Variants in MYO5B observed in about 807,000 individuals in gnomAD.
The protein encoded by MYO5B is unconventional myosin-Vb.
A neutral mutation model predicts 229.3 loss-of-function variants in MYO5B; 143 were observed. That is an observed-to-expected ratio of 0.62 (90% CI 0.54 to 0.72). The LOEUF (loss-of-function observed/expected upper bound fraction) is 0.72. Ranked by LOEUF, MYO5B falls within the 30% of genes least tolerant of loss-of-function variation. MYO5B has a pLI of 0.00. For synonymous variants in MYO5B, 918 were observed against 885.2 expected (o/e 1.04, Z -0.66); for missense variants, 2,321 against 2,331.0 (o/e 1.00, Z 0.09).
intron 32 of MYO5B, among the ~76,000 whole-genome samples, chr18:49,848,231 G>A (rs936176109): frequency 4.6e-5 from 7 of 152,322 alleles, no homozygotes; most frequent in Non-Finnish European, 7.3e-5. Flanking sequence ...AGCCAGGAGT[G>A]TGTGATGTGG....
intron 31 of MYO5B, among the ~76,000 whole-genome samples, chr18:49,853,006 G>T (rs1210802270): frequency 1.3e-5 from 2 of 152,136 alleles, no homozygotes; most frequent in African/African-American, 4.8e-5. Context: ...CTGCAAAGAG[G>T]CCCCAACAAC....
chr18:50,018,376 CT>C (rs2026239404), intron 4 of MYO5B, among the ~76,000 whole-genome samples: 1 of 151,850 alleles, frequency 6.6e-6, no homozygotes. Context: ...GTCTCCACCT[CT>C]TTTTAAAGAC....
At chr18:49,920,766 T>C (rs1375384794) in intron 17 of MYO5B, among the ~76,000 whole-genome samples, 1 of 152,182 alleles carries the variant, frequency 6.6e-6, no homozygotes, top group Non-Finnish European at 1.5e-5. Flanking sequence ...CTGGGGAAAC[T>C]TGTCAAAATG....
At position 49,911,974 on chromosome 18, in the gene MYO5B, C is replaced by T. The variant is rs1363838453; in HGVS notation, c.2202+88G>A. 3.4e-6 allele frequency: 3 copies of T among 872,146 alleles called. No homozygotes were observed. The African/African-American group carries it at 5.1e-5, about 15-fold the overall frequency. The allele number at this position is 872,146 out of a possible 1,614,324, so 54.0% of individuals were successfully genotyped here. A position where few individuals can be genotyped will look rare whatever the true frequency, so the allele number is the denominator to read the frequency against. On this transcript the variant is annotated intron_variant, in intron 18 of 39. Transcript: ENST00000285039. ...TAGATTCAGTAAGAAGGATGAAGACCAAAAAAAAAATGTAGATAACGACGC... is the reference window on the plus strand; with the variant it reads ...TAGATTCAGTAAGAAGGATGAAGACTAAAAAAAAAATGTAGATAACGACGC...
At chr18:50,151,127 T>G (rs760703720) in intron 1 of MYO5B, among the ~76,000 whole-genome samples, 5 of 152,268 alleles carry the variant, frequency 3.3e-5, no homozygotes, top group Non-Finnish European at 7.3e-5. Context: ...ATGAGAGACA[T>G]TGGCTTCCTT....
intron 1 of MYO5B, among the ~76,000 whole-genome samples, chr18:50,174,889 C>T (rs991754908): frequency 3.3e-5 from 5 of 152,208 alleles, no homozygotes; most frequent in Admixed American, 6.5e-5. Flanking sequence ...ACATCAGGCC[C>T]TGTTCCTGGA....
intron 33 of MYO5B, among the ~76,000 whole-genome samples, chr18:49,844,949 G>C (rs972415518): frequency 6.6e-6 from 1 of 152,168 alleles, no homozygotes; most frequent in Non-Finnish European, 1.5e-5. Flanking sequence ...GTAGGTGGTC[G>C]GCAGTCAAGT....
intron 1 of MYO5B, among the ~76,000 whole-genome samples, chr18:50,136,987 G>C (rs985422860): frequency 6.6e-6 from 1 of 152,192 alleles, no homozygotes; most frequent in East Asian, 1.9e-4. Flanking sequence ...ATCTGCCCGA[G>C]TAGATTAAAC....
chr18:49,891,887 TG>T (rs1393212930), intron 22 of MYO5B, among the ~76,000 whole-genome samples: 1 of 152,222 alleles, frequency 6.6e-6, no homozygotes, highest in Non-Finnish European at 1.5e-5. Flanking sequence ...CTAGTCCGAA[TG>T]TTCAGTGCCT....
chr18:49,950,153 G>A (rs1235976192), intron 14 of MYO5B, among the ~76,000 whole-genome samples: 1 of 152,190 alleles, frequency 6.6e-6, no homozygotes, highest in African/African-American at 2.4e-5. Context: ...CTAGGGTCTG[G>A]TTAGCCAGAG....
chr18:50,012,537 T>A (rs182895902), intron 4 of MYO5B, among the ~76,000 whole-genome samples: 1 of 152,338 alleles, frequency 6.6e-6, no homozygotes, highest in African/African-American at 2.4e-5. Flanking sequence ...GAAATAATGA[T>A]GTAGACTGGT....
At position 49,971,214 on chromosome 18, in the gene MYO5B, CTA is replaced by C. The variant is rs1568053228; in HGVS notation, c.1322+3134_1322+3135del. Among the ~76,000 whole-genome samples the C allele has an allele frequency of 2.6e-5, 4 of 152,266 alleles. No homozygotes were observed. The East Asian group carries it at 7.7e-4, about 29-fold the overall frequency. On this transcript the variant is annotated intron_variant, in intron 10 of 39. Transcript: ENST00000285039. The stretch of plus-strand genomic sequence containing the variant: ...CCCATAGTCATGAATAGAATAAAGC[CTA>C]ATGACTGGAATGAGTTTGAACTGGG...
In MYO5B at chr18:49,906,639, G is replaced by A; in HGVS notation, c.2203-9C>T. ...TGGAACTTGTCGGGGTCCTTTACAA[G>A]GTAGGGAGGGGATCTGGTTGGTCAC... On this transcript the variant is annotated splice_polypyrimidine_tract_variant and intron_variant, in intron 18 of 39. Coordinates refer to ENST00000285039, the MANE Select transcript of MYO5B (RefSeq NM_001080467.3). 2 of 1,610,020 alleles carry A rather than the reference G, an allele frequency of 1.2e-6. No individual in the cohort carries two copies. The highest frequency in any genetic ancestry group is 1.7e-6 in the Non-Finnish European group (2 of 1,176,542).
Position 49,906,645 on chromosome 18 carries a change from G to T in MYO5B, c.2203-15C>A, listed in dbSNP as rs1249711437. On this transcript the variant is annotated splice_polypyrimidine_tract_variant and intron_variant, in intron 18 of 39. Coordinates refer to ENST00000285039, the MANE Select transcript of MYO5B (RefSeq NM_001080467.3). ...TTGTCGGGGTCCTTTACAAGGTAGG[G>T]AGGGGATCTGGTTGGTCACCAGTGA... 1 of 1,607,772 alleles carries T rather than the reference G, an allele frequency of 6.2e-7. No homozygotes were observed. The highest frequency in any genetic ancestry group is 1.7e-5 in the Admixed American group (1 of 60,012).
At chr18:49,926,206 T>C (rs1040310625) in intron 17 of MYO5B, among the ~76,000 whole-genome samples, 13 of 152,276 alleles carry the variant, frequency 8.5e-5, no homozygotes, top group Admixed American at 6.5e-5. Context: ...TGCAGATTAC[T>C]GACAGCTCTT....
chr18:50,093,702 G>A (rs374107000), intron 1 of MYO5B, among the ~76,000 whole-genome samples: 13 of 151,960 alleles, frequency 8.6e-5, no homozygotes, highest in African/African-American at 2.9e-4. Flanking sequence ...AAACAAGATG[G>A]AAATTAAAGT....
At chr18:49,955,819 C>T (rs936750377) in intron 12 of MYO5B, among the ~76,000 whole-genome samples, 1 of 152,156 alleles carries the variant, frequency 6.6e-6, no homozygotes, top group Non-Finnish European at 1.5e-5. Flanking sequence ...TTTAGAACCA[C>T]CGGGTGTGAA....
chr18:49,975,896 A>C (rs1286748288), intron 9 of MYO5B, among the ~76,000 whole-genome samples: 1 of 152,128 alleles, frequency 6.6e-6, no homozygotes, highest in Non-Finnish European at 1.5e-5. Flanking sequence ...CCCAAATACC[A>C]ATCACATCAC....
intron 39 of MYO5B, among the ~76,000 whole-genome samples, chr18:49,828,817 C>G (rs1237530982): frequency 6.6e-6 from 1 of 151,300 alleles, no homozygotes; most frequent in African/African-American, 2.4e-5. Flanking sequence ...AAAGAAATCA[C>G]AGGGGGAATT....
Sources: gnomAD v4.1 joint callset for allele counts (sites outside exome capture counted in the v4.1 genomes callset) on GRCh38, gnomAD v4.1.1 for gene constraint, MANE v1.5 for transcripts, NCBI Gene and HGNC (gene_info 2026-07-23, HGNC 2026-07-21) for gene names.